The following DOP1B variants were observed in gnomAD, a reference collection of about 807,000 sequenced individuals.
The protein encoded by DOP1B is DOP1 leucine zipper like protein B.
Under a neutral mutation model 233.5 loss-of-function variants are expected in DOP1B, and 174 were observed. The observed-to-expected ratio is 0.75, with a 90% CI of 0.66 to 0.85. DOP1B has a LOEUF of 0.85. Among genes scored for constraint, DOP1B ranks in the 40% least tolerant of loss-of-function variants. DOP1B has a pLI of 0.00. For missense variants in DOP1B, 2,652 were observed against 2,846.6 expected, an observed-to-expected ratio of 0.93 and a Z score of 1.56; for synonymous variants, 1,190 against 1,185.6, an observed-to-expected ratio of 1.00 and a Z score of -0.08.
At chr21:36,272,887 G>C (rs1290319972) in intron 27 of DOP1B, among the ~76,000 whole-genome samples, 1 of 150,628 alleles carries the variant, frequency 6.6e-6, no homozygotes, top group Non-Finnish European at 1.5e-5. Context: ...CGGAGGCTGA[G>C]GCAGGAGAAT....
intron 14 of DOP1B, among the ~76,000 whole-genome samples, chr21:36,232,351 A>G (rs1321733861): frequency 6.6e-6 from 1 of 152,216 alleles, no homozygotes; most frequent in African/African-American, 2.4e-5. Flanking sequence ...TTTGTCTCAT[A>G]GTTCTGGAAG....
chr21:36,287,839 C>T (rs1266445657), intron 32 of DOP1B, among the ~76,000 whole-genome samples, 175 bp from the exon 33 acceptor site: 1 of 152,040 alleles, frequency 6.6e-6, no homozygotes, highest in African/African-American at 2.4e-5. Context: ...CCCGCCTCGG[C>T]CTCCCAAAGT....
At chr21:36,214,018 G>T in intron 7 of DOP1B, 63 bp from the exon 8 acceptor site, 8 of 1,321,172 alleles carry the variant, frequency 6.1e-6, no homozygotes, top group Non-Finnish European at 8.5e-6. Flanking sequence ...TGAGACTTTT[G>T]CACAATATGA....
Position 36,246,104 on chromosome 21 carries a change from A to T in DOP1B, c.4124A>T (p.His1375Leu), listed in dbSNP as rs1192364838. ...GAAGGGAAGAACGTGGAGTTCATCC[A>T]CAGCTTGCTGCAGAGGTGCAAAGTT... ...SSEGKNVEFI[H>L]SLLQRCKVQE... The change falls in exon 19 of 37, where the codon CAC (histidine) becomes CTC (leucine). Residue 1375 changes from histidine (H) to leucine (L), a missense_variant. Around this residue, in one of 3 missense-constraint regions of DOP1B, gnomAD observed 2,617 missense variants for 2,794.3 expected, o/e 0.94. Transcript: ENST00000691173. The surrounding 1 kb of genome is among the most constrained non-coding windows in gnomAD (Gnocchi z 5.1). 1.6e-5 allele frequency: 26 copies of T among 1,614,072 alleles called. No individual in the cohort carries two copies. The highest frequency in any genetic ancestry group is 2.2e-5 in the Non-Finnish European group (26 of 1,180,006).
chr21:36,161,664 A>AT (rs150518059), intron 1 of DOP1B, among the ~76,000 whole-genome samples: 227 of 152,206 alleles, frequency 1.5e-3, no homozygotes, highest in African/African-American at 5.1e-3. Context: ...AATTTCAGTG[A>AT]TTTTTCATAC....
At chr21:36,249,236 T>C (rs1406521274) in intron 21 of DOP1B, among the ~76,000 whole-genome samples, 1 of 152,134 alleles carries the variant, frequency 6.6e-6, no homozygotes, top group African/African-American at 2.4e-5. Flanking sequence ...AAGACCAGCC[T>C]GGCCAACATG....
chr21:36,194,146 A>T (rs2066262675), intron 2 of DOP1B, among the ~76,000 whole-genome samples: 1 of 152,130 alleles, frequency 6.6e-6, no homozygotes, highest in Non-Finnish European at 1.5e-5. Context: ...TTGCTTTGTT[A>T]AGCCTTAGTT....
intron 12 of DOP1B, among the ~76,000 whole-genome samples, chr21:36,227,409 T>C (rs57853503): frequency 5.0e-4 from 75 of 150,908 alleles, no homozygotes; most frequent in South Asian, 1.9e-3. Context: ...TAGCCGGGCG[T>C]GGTGGTGGGC....
chr21:36,193,492 T>C (rs2066256798), intron 2 of DOP1B, among the ~76,000 whole-genome samples: 3 of 152,124 alleles, frequency 2.0e-5, no homozygotes, highest in Admixed American at 2.0e-4. Context: ...GAGGGAGATC[T>C]TGATCTCCCT....
chr21:36,221,399 G>T (rs2066620951), intron 10 of DOP1B, among the ~76,000 whole-genome samples: 1 of 151,820 alleles, frequency 6.6e-6, no homozygotes. Flanking sequence ...GGAGGCTGAG[G>T]CATGAGAATT....
Position 36,212,019 on chromosome 21 carries a change from C to A in DOP1B, c.826C>A (p.Arg276Ser). The change falls in exon 7 of 37, where the codon CGC (arginine) becomes AGC (serine). Residue 276 changes from arginine (R) to serine (S), a missense_variant. Arg to Ser is a moderately radical substitution (Grantham distance 110). This residue lies in a region of DOP1B where 2,617 missense variants were observed against 2,794.3 expected (regional missense o/e 0.94). Coordinates refer to ENST00000691173, the MANE Select transcript of DOP1B (RefSeq NM_001320714.2). ...CCCCCTCCTCAGATCTGACATCGTG[C>A]GCATTCTCTCAGCCGCCACCCAGAC... Reference protein sequence around the residue: ...AIPLLRSDIVRILSAATQTLL... With the variant: ...AIPLLRSDIVSILSAATQTLL... The A allele has an allele frequency of 6.2e-7, 1 of 1,613,974 alleles. No individual in the cohort carries two copies. The highest frequency in any genetic ancestry group is 8.5e-7 in the Non-Finnish European group (1 of 1,179,972).
intron 30 of DOP1B, among the ~76,000 whole-genome samples, chr21:36,279,507 C>A (rs369097375): frequency 1.3e-5 from 2 of 152,168 alleles, no homozygotes; most frequent in African/African-American, 2.4e-5. Flanking sequence ...GATTGGGAAC[C>A]CTTTTTGTAT....
chr21:36,234,318 G>T (rs1215116873), intron 15 of DOP1B, among the ~76,000 whole-genome samples: 2 of 152,024 alleles, frequency 1.3e-5, no homozygotes, highest in Non-Finnish European at 2.9e-5. Flanking sequence ...AGAAAATTTG[G>T]CATATTTACA....
At chr21:36,248,253 A>T in intron 20 of DOP1B, 127 bp from the exon 21 acceptor site, 1 of 863,408 alleles carries the variant, frequency 1.2e-6, no homozygotes, top group Non-Finnish European at 1.8e-6. Context: ...CCAGACCACC[A>T]CATGTATGAG....
intron 30 of DOP1B, among the ~76,000 whole-genome samples, chr21:36,279,521 A>G (rs1413300026): frequency 6.6e-6 from 1 of 152,184 alleles, no homozygotes; most frequent in African/African-American, 2.4e-5. Flanking sequence ...TTTGTATGGC[A>G]TGAAAGCATG....
intron 27 of DOP1B, among the ~76,000 whole-genome samples, chr21:36,272,109 A>G (rs2067295586): frequency 6.6e-6 from 1 of 152,250 alleles, no homozygotes; most frequent in South Asian, 2.1e-4. Flanking sequence ...AAGAAACTAC[A>G]TTTCAGTTTT....
rs1351847669 is a variant in DOP1B, at chr21:36,230,793, G to A, written c.2009G>A (p.Ser670Asn). 5 of 1,614,166 alleles carry A rather than the reference G, an allele frequency of 3.1e-6. No individual in the cohort carries two copies. The Admixed American group carries it at 6.7e-5, about 22-fold the overall frequency. ...AGKRDRDGTQ[S>N]LAANDSSRKN... ...AAGAGGGACAGGGATGGGACGCAGA[G>A]CCTGGCAGCCAATGATTCCAGCAGG... is the stretch of plus-strand genomic sequence containing the variant. The change falls in exon 14 of 37, where the codon AGC becomes AAC. Residue 670 changes from serine (S) to asparagine (N), a missense_variant. By Grantham distance (46) the Ser-to-Asn change is conservative (BLOSUM62 1). Coordinates refer to ENST00000691173, the MANE Select transcript of DOP1B (RefSeq NM_001320714.2).
At chr21:36,261,471 T>G in intron 24 of DOP1B, 1 of 985,538 alleles carries the variant, frequency 1.0e-6, no homozygotes, top group Non-Finnish European at 1.2e-6. Context: ...GCTAAGTTAA[T>G]ATATGTATTA....
Position 36,245,854 on chromosome 21 carries a change from C to A in DOP1B, c.3874C>A (p.Gln1292Lys), listed in dbSNP as rs562345983. Residue 1292 changes from glutamine to lysine, a missense_variant, in exon 19 of 37, where the codon CAG becomes AAG. Around this residue, in one of 3 missense-constraint regions of DOP1B, gnomAD observed 2,617 missense variants for 2,794.3 expected, o/e 0.94. Coordinates refer to ENST00000691173, the MANE Select transcript of DOP1B (RefSeq NM_001320714.2). The surrounding 1 kb of genome is among the most constrained non-coding windows in gnomAD (Gnocchi z 5.5). ...LARHQEALIG[Q>K]SFYGKLQTQV... ...TCGCCACCAGGAGGCCCTCATTGGC[C>A]AGAGTTTCTACGGAAAGCTCCAGAC... 6.2e-6 allele frequency: 10 copies of A among 1,613,872 alleles called. No individual in the cohort carries two copies. The Admixed American group carries it at 1.5e-4, about 24-fold the overall frequency.
Sources: gnomAD v4.1 joint callset for allele counts (sites outside exome capture counted in the v4.1 genomes callset) on GRCh38, gnomAD v4.1.1 for gene constraint, gnomAD v4.1.1 regional missense constraint, Gnocchi (gnomAD v3.1) non-coding constraint, MANE v1.5 for transcripts, NCBI Gene and HGNC (gene_info 2026-07-23, HGNC 2026-07-21) for gene names.